MCTP1: variants seen among roughly 807,000 people sequenced by gnomAD.
MCTP1 encodes multiple C2 and transmembrane domain-containing protein 1.
A neutral mutation model predicts 120.6 loss-of-function variants in MCTP1; 69 were observed. The ratio of observed to expected loss-of-function variants is 0.57; its 90% confidence interval spans 0.47 to 0.70. The LOEUF (loss-of-function observed/expected upper bound fraction) is 0.70. Among genes scored for constraint, MCTP1 ranks in the 30% least tolerant of loss-of-function variants. The pLI is 0.00. For synonymous variants in MCTP1, 529 were observed against 493.1 expected (o/e 1.07, Z -0.96); for missense variants, 1,203 against 1,248.8 (o/e 0.96, Z 0.55).
At chr5:94,714,963 G>A in intron 19 of MCTP1, 77 bp from the exon 20 acceptor site, 1 of 856,270 alleles carries the variant, frequency 1.2e-6, no homozygotes, top group Admixed American at 2.0e-5. Context: ...TTGTCCCTCT[G>A]TTACATTTTT....
intron 2 of MCTP1, among the ~76,000 whole-genome samples, chr5:94,991,426 A>G (rs1831523029): frequency 6.6e-6 from 1 of 152,224 alleles, no homozygotes; most frequent in Admixed American, 6.5e-5. Flanking sequence ...TTAATTTCCA[A>G]TAATTTTAAA....
At chr5:95,122,617 A>G (rs1190674931) in intron 1 of MCTP1, among the ~76,000 whole-genome samples, 1 of 152,212 alleles carries the variant, frequency 6.6e-6, no homozygotes, top group East Asian at 1.9e-4. Context: ...AAATAGAGCT[A>G]CCATACTATC....
intron 2 of MCTP1, among the ~76,000 whole-genome samples, chr5:95,002,775 G>T (rs1183589826): frequency 6.6e-6 from 1 of 152,180 alleles, no homozygotes; most frequent in Non-Finnish European, 1.5e-5. Flanking sequence ...TTGGGTTAAT[G>T]CTGGAATGAG....
chr5:94,726,199 T>A (rs957446288), intron 19 of MCTP1, among the ~76,000 whole-genome samples: 1 of 152,184 alleles, frequency 6.6e-6, no homozygotes, highest in African/African-American at 2.4e-5. Flanking sequence ...GTGCCTCCAG[T>A]TGTGTTTGTT....
chr5:95,043,123 T>A (rs1842620335), intron 1 of MCTP1, among the ~76,000 whole-genome samples: 1 of 152,202 alleles, frequency 6.6e-6, no homozygotes, highest in African/African-American at 2.4e-5. Flanking sequence ...GTGAGTGAGT[T>A]TCCCATACAG....
chr5:95,123,093 T>C (rs1054617977), intron 1 of MCTP1, among the ~76,000 whole-genome samples: 4 of 152,200 alleles, frequency 2.6e-5, no homozygotes, highest in Non-Finnish European at 1.5e-5. Flanking sequence ...AAAATAATTG[T>C]ACATTTTAAA....
chr5:95,050,440 G>T (rs1745594992), intron 1 of MCTP1, among the ~76,000 whole-genome samples: 1 of 152,106 alleles, frequency 6.6e-6, no homozygotes, highest in South Asian at 2.1e-4. Flanking sequence ...TGCCTGGATG[G>T]GGCTGTGGGG....
chr5:95,189,959 A>G (rs1749647811), intron 1 of MCTP1, among the ~76,000 whole-genome samples: 1 of 152,098 alleles, frequency 6.6e-6, no homozygotes, highest in Admixed American at 6.5e-5. Context: ...TGATATGGAA[A>G]ATATTAATTA....
intron 1 of MCTP1, among the ~76,000 whole-genome samples, chr5:95,173,074 T>C (rs887715330): frequency 2.6e-5 from 4 of 152,214 alleles, no homozygotes; most frequent in Non-Finnish European, 5.9e-5. Flanking sequence ...TACTTGGAAT[T>C]ATTTAGAACA....
chr5:95,099,166 A>G (rs1756512691), intron 1 of MCTP1, among the ~76,000 whole-genome samples: 1 of 152,200 alleles, frequency 6.6e-6, no homozygotes, highest in South Asian at 2.1e-4. Context: ...ATCCATAAAA[A>G]CCCTAGAAGA....
At chr5:95,098,548 G>C (rs1756454897) in intron 1 of MCTP1, among the ~76,000 whole-genome samples, 1 of 151,758 alleles carries the variant, frequency 6.6e-6, no homozygotes, top group Non-Finnish European at 1.5e-5. Flanking sequence ...AAAATACCTA[G>C]GAATCCACCT....
At chr5:95,059,786 A>G (rs1748447488) in intron 1 of MCTP1, among the ~76,000 whole-genome samples, 1 of 152,128 alleles carries the variant, frequency 6.6e-6, no homozygotes, top group Non-Finnish European at 1.5e-5. Context: ...TGGGTGAGGG[A>G]AGGAGAAGCA....
chr5:95,105,135 A>C (rs1251351252), intron 1 of MCTP1, among the ~76,000 whole-genome samples: 2 of 152,210 alleles, frequency 1.3e-5, no homozygotes, highest in African/African-American at 4.8e-5. Context: ...AAGGAAAGCT[A>C]CTTTAGCAGC....
chr5:95,204,220 G>T (rs1274092886), intron 1 of MCTP1, among the ~76,000 whole-genome samples: 1 of 152,154 alleles, frequency 6.6e-6, no homozygotes, highest in Non-Finnish European at 1.5e-5. Context: ...TAGTGGAAAA[G>T]AGGAGAGGAT....
At chr5:95,018,204 A>G (rs1385530609) in intron 1 of MCTP1, among the ~76,000 whole-genome samples, 2 of 152,120 alleles carry the variant, frequency 1.3e-5, no homozygotes, top group Non-Finnish European at 2.9e-5. Flanking sequence ...TAATGATATT[A>G]AAACAACACA....
chr5:95,128,672 G>C (rs1317230333), intron 1 of MCTP1, among the ~76,000 whole-genome samples: 2 of 152,222 alleles, frequency 1.3e-5, no homozygotes, highest in Non-Finnish European at 2.9e-5. Flanking sequence ...TGGGGAAGGG[G>C]AGGAAGGATG....
chr5:94,966,119 T>C (rs1825533159), intron 2 of MCTP1, among the ~76,000 whole-genome samples: 1 of 152,178 alleles, frequency 6.6e-6, no homozygotes, highest in Non-Finnish European at 1.5e-5. Context: ...TCAATCTACA[T>C]TGCAGGTGAG....
chr5:95,276,845 G>C (rs1759886844), intron 1 of MCTP1, among the ~76,000 whole-genome samples: 1 of 151,786 alleles, frequency 6.6e-6, no homozygotes, highest in South Asian at 2.1e-4. Flanking sequence ...TCAGCTACTC[G>C]GGAGGCTGAG....
At chr5:95,007,920 C>T (rs985779358) in intron 2 of MCTP1, among the ~76,000 whole-genome samples, 2 of 152,092 alleles carry the variant, frequency 1.3e-5, no homozygotes, top group Admixed American at 1.3e-4. Context: ...TCTAAATCTA[C>T]TCAACACAGG....
Sources: gnomAD v4.1 joint callset for allele counts (sites outside exome capture counted in the v4.1 genomes callset) on GRCh38, gnomAD v4.1.1 for gene constraint, MANE v1.5 for transcripts, NCBI Gene and HGNC (gene_info 2026-07-23, HGNC 2026-07-21) for gene names.